ZFPM2: variants seen among roughly 807,000 people sequenced by gnomAD.
ZFPM2 encodes zinc finger protein ZFPM2.
In ZFPM2, 20 loss-of-function variants were observed where a neutral mutation model predicts 98.6. That is an observed-to-expected ratio of 0.20 (90% CI 0.14 to 0.29). The LOEUF (loss-of-function observed/expected upper bound fraction) is 0.29. Ranked by LOEUF, ZFPM2 falls within the 10% of genes least tolerant of loss-of-function variation. ZFPM2 has a pLI of 1.00. For missense variants in ZFPM2, 1,310 were observed against 1,388.6 expected (o/e 0.94, Z 0.90); for synonymous variants, 518 against 502.7 (o/e 1.03, Z -0.41).
intron 1 of ZFPM2, among the ~76,000 whole-genome samples, chr8:105,389,013 C>CGTGT (rs142145699): frequency 0.031 from 4,228 of 134,816 alleles, 112 homozygotes; most frequent in African/African-American, 0.057. Flanking sequence ...AATTTGATGA[C>CGTGT]GTGTGTGTGT....
rs1812658753 is a variant in ZFPM2, at chr8:105,758,519, A to G, written c.533-30199A>G. Among the ~76,000 whole-genome samples, 4 of 152,194 alleles carry G rather than the reference A, an allele frequency of 2.6e-5. No homozygotes were observed. In the South Asian group the frequency reaches 8.3e-4, roughly 31 times the overall value. On this transcript the variant is annotated intron_variant, in intron 5 of 7. Transcript: ENST00000407775. ...GGCTCTACAATGAATATTTATAATT[A>G]CTAGAAGTAATGTAGCAATAATGTT...
At chr8:105,677,523 T>C (rs1357944528) in intron 5 of ZFPM2, among the ~76,000 whole-genome samples, 2 of 152,128 alleles carry the variant, frequency 1.3e-5, no homozygotes, top group Non-Finnish European at 2.9e-5. Context: ...GTGTCTCTGG[T>C]TTCTTTTCCT....
intron 5 of ZFPM2, among the ~76,000 whole-genome samples, chr8:105,730,944 A>G (rs1811920332): frequency 1.3e-5 from 2 of 151,610 alleles, no homozygotes. Flanking sequence ...TGGAGGGTTA[A>G]GGACTCACAG....
At chr8:105,396,076 A>G (rs915359603) in intron 1 of ZFPM2, among the ~76,000 whole-genome samples, 64 of 152,160 alleles carry the variant, frequency 4.2e-4, no homozygotes, top group African/African-American at 1.5e-3. Flanking sequence ...ATTGTTTACA[A>G]CTACCATATT....
At chr8:105,426,117 C>A (rs1301823260) in intron 2 of ZFPM2, among the ~76,000 whole-genome samples, 1 of 152,050 alleles carries the variant, frequency 6.6e-6, no homozygotes, top group Non-Finnish European at 1.5e-5. Flanking sequence ...TAAGACAGCT[C>A]TACCATAATC....
intron 3 of ZFPM2, among the ~76,000 whole-genome samples, chr8:105,487,098 A>G (rs1813243900): frequency 2.0e-5 from 3 of 151,988 alleles, no homozygotes; most frequent in Admixed American, 2.0e-4. Flanking sequence ...TTAAAAGCTT[A>G]TATGTAGTGT....
At chr8:105,677,041 A>G (rs1352591747) in intron 5 of ZFPM2, among the ~76,000 whole-genome samples, 1 of 152,144 alleles carries the variant, frequency 6.6e-6, no homozygotes, top group Non-Finnish European at 1.5e-5. Flanking sequence ...CAGGTATATT[A>G]GATATTTCAC....
intron 5 of ZFPM2, among the ~76,000 whole-genome samples, chr8:105,775,380 T>C (rs950135604): frequency 6.6e-6 from 1 of 151,704 alleles, no homozygotes; most frequent in Non-Finnish European, 1.5e-5. Context: ...AAATTAAGCA[T>C]ACCCAACACA....
At chr8:105,390,169 T>G (rs1373045056) in intron 1 of ZFPM2, among the ~76,000 whole-genome samples, 1 of 152,182 alleles carries the variant, frequency 6.6e-6, no homozygotes, top group African/African-American at 2.4e-5. Context: ...AAGATTGTTC[T>G]TGTCAGATAC....
chr8:105,509,059 T>C (rs1422596033), intron 3 of ZFPM2, among the ~76,000 whole-genome samples: 3 of 152,154 alleles, frequency 2.0e-5, no homozygotes, highest in Admixed American at 1.3e-4. Context: ...GCCCACAAGA[T>C]ACTTTGAAAG....
intron 5 of ZFPM2, among the ~76,000 whole-genome samples, chr8:105,679,806 A>G (rs545316494): frequency 6.6e-6 from 1 of 151,980 alleles, no homozygotes; most frequent in East Asian, 1.9e-4. Flanking sequence ...TAAAAAAAAA[A>G]AAAAAAAGAA....
intron 1 of ZFPM2, among the ~76,000 whole-genome samples, chr8:105,409,327 T>A (rs753524679): frequency 4.6e-5 from 7 of 151,920 alleles, no homozygotes; most frequent in Non-Finnish European, 1.0e-4. Flanking sequence ...GGTCAATTGT[T>A]TGCATTATCC....
chr8:105,446,206 T>C (rs372357390), intron 3 of ZFPM2, among the ~76,000 whole-genome samples: 5 of 152,258 alleles, frequency 3.3e-5, no homozygotes, highest in South Asian at 2.1e-4. Flanking sequence ...AGGCGTGAGC[T>C]ACCGTGCCCG....
intron 3 of ZFPM2, among the ~76,000 whole-genome samples, chr8:105,539,542 G>A (rs979598539): frequency 2.6e-5 from 4 of 152,118 alleles, no homozygotes; most frequent in Non-Finnish European, 5.9e-5. Flanking sequence ...TGCCTGAGAC[G>A]TATTTATTGT....
At chr8:105,461,685 G>A (rs1238965750) in intron 3 of ZFPM2, among the ~76,000 whole-genome samples, 1 of 151,884 alleles carries the variant, frequency 6.6e-6, no homozygotes, top group Non-Finnish European at 1.5e-5. Context: ...CCCATCTCTG[G>A]TATCTACTAT....
intron 3 of ZFPM2, among the ~76,000 whole-genome samples, chr8:105,464,089 C>T (rs1338709784): frequency 6.6e-6 from 1 of 152,040 alleles, no homozygotes; most frequent in African/African-American, 2.4e-5. Context: ...GACTTGCCTT[C>T]CACAGACCTC....
intron 1 of ZFPM2, among the ~76,000 whole-genome samples, chr8:105,340,695 G>C (rs553703914): frequency 4.6e-5 from 7 of 151,650 alleles, no homozygotes; most frequent in African/African-American, 1.7e-4. Context: ...ATCTTTCTTT[G>C]AATCTACCTG....
intron 3 of ZFPM2, among the ~76,000 whole-genome samples, chr8:105,514,307 CTT>C (rs56955237): frequency 0.027 from 3,370 of 126,554 alleles, 47 homozygotes; most frequent in East Asian, 0.097. Context: ...CTGGTCGTGT[CTT>C]TTTTTTTTTT....
intron 5 of ZFPM2, among the ~76,000 whole-genome samples, chr8:105,696,397 A>G (rs765736620): frequency 6.6e-6 from 1 of 152,174 alleles, no homozygotes; most frequent in Non-Finnish European, 1.5e-5. Context: ...CTCTCATTCA[A>G]CATGGGTATG....
Sources: allele counts gnomAD v4.1 joint callset (sites outside exome capture counted in the v4.1 genomes callset), GRCh38; gene constraint gnomAD v4.1.1; transcripts MANE v1.5; gene names NCBI Gene and HGNC (gene_info 2026-07-23, HGNC 2026-07-21).